KLHL13: variants seen among roughly 807,000 people sequenced by gnomAD.
KLHL13 encodes kelch-like protein 13.
In KLHL13, 10 loss-of-function variants were observed where a neutral mutation model predicts 37.1. That is an observed-to-expected ratio of 0.27 (90% CI 0.17 to 0.46). The LOEUF is 0.46. Among genes scored for constraint, KLHL13 ranks in the 20% least tolerant of loss-of-function variants. KLHL13 has a pLI of 1.00. For synonymous variants in KLHL13, 163 were observed against 181.2 expected (o/e 0.90, Z 0.81); for missense variants, 360 against 509.3 (o/e 0.71, Z 2.82).
intron 1 of KLHL13, among the ~76,000 whole-genome samples, chrX:118,112,135 C>T (rs1030471268): frequency 1.8e-5 from 2 of 112,211 alleles, no homozygotes; most frequent in African/African-American, 6.5e-5. Context: ...GCTCTACAAC[C>T]TCTCTCAGAA....
At chrX:117,940,638 C>T (rs1932973851) in intron 2 of KLHL13, among the ~76,000 whole-genome samples, 1 of 111,495 alleles carries the variant, frequency 9.0e-6, no homozygotes, top group South Asian at 3.8e-4. Flanking sequence ...GTTTGTAGTT[C>T]TCCTTGAAGA....
intron 1 of KLHL13, among the ~76,000 whole-genome samples, chrX:118,085,316 A>G (rs1049403908): frequency 1.1e-4 from 12 of 111,314 alleles, no homozygotes; most frequent in African/African-American, 3.9e-4. Context: ...TTTATATAAC[A>G]TGTCTAGAAT....
exon 1 of KLHL13, chrX:117,973,018 T>C (rs2053549810): frequency 9.4e-7 from 1 of 1,059,578 alleles, no homozygotes; most frequent in African/African-American, 1.9e-5. Flanking sequence ...CTTAAATTCT[T>C]CTGTCCCCTA....
intron 1 of KLHL13, among the ~76,000 whole-genome samples, chrX:117,956,986 T>C (rs992315564): frequency 2.7e-5 from 3 of 112,405 alleles, no homozygotes; most frequent in African/African-American, 9.7e-5. Flanking sequence ...ATCTCCGATG[T>C]ATCCTGATAT....
chrX:118,106,555 T>C (rs985652280), intron 1 of KLHL13, among the ~76,000 whole-genome samples: 7 of 111,829 alleles, frequency 6.3e-5, no homozygotes, highest in Non-Finnish European at 1.1e-4. Flanking sequence ...ATCAATATAG[T>C]GAGCTAAGCT....
chrX:118,044,723 T>C (rs755262016), intron 1 of KLHL13, among the ~76,000 whole-genome samples: 4 of 112,156 alleles, frequency 3.6e-5, no homozygotes, highest in Non-Finnish European at 7.5e-5. Context: ...TCTCACCATA[T>C]AGAAACATCA....
intron 1 of KLHL13, among the ~76,000 whole-genome samples, chrX:118,099,835 A>AAAGG (rs1178465238): frequency 9.6e-6 from 1 of 104,378 alleles, no homozygotes; most frequent in Non-Finnish European, 2.0e-5. Context: ...AGGAAAGAAG[A>AAAGG]AAGGAAGGAA....
chrX:117,945,503 A>G (rs1409479636), exon 2 of KLHL13: 33 of 1,206,316 alleles, frequency 2.7e-5, no homozygotes, highest in Non-Finnish European at 3.7e-5. Flanking sequence ...AAGACTGCAA[A>G]TGGGATGAGA....
intron 1 of KLHL13, among the ~76,000 whole-genome samples, chrX:118,033,787 C>A (rs1403334439): frequency 9.1e-6 from 1 of 110,361 alleles, no homozygotes; most frequent in African/African-American, 3.3e-5. Context: ...TTAAAAGACA[C>A]AGACTGGCAA....
At chrX:118,076,906 T>C (rs2054934911) in intron 1 of KLHL13, among the ~76,000 whole-genome samples, 4 of 106,529 alleles carry the variant, frequency 3.8e-5, no homozygotes, top group Admixed American at 1.0e-4. Flanking sequence ...CTCTTCTTCT[T>C]CTCTCTCTCT....
chrX:118,002,994 G>A (rs1192442341), intron 1 of KLHL13, among the ~76,000 whole-genome samples: 1 of 112,150 alleles, frequency 8.9e-6, no homozygotes, highest in African/African-American at 3.2e-5. Flanking sequence ...ACAAAAGAAT[G>A]TGGCACACTT....
At chrX:118,001,102 G>C (rs2053916178) in intron 1 of KLHL13, among the ~76,000 whole-genome samples, 1 of 111,925 alleles carries the variant, frequency 8.9e-6, no homozygotes. Context: ...CTTTCTGGTA[G>C]ATAATCACTA....
At chrX:117,959,735 T>C (rs2053259844) in intron 1 of KLHL13, among the ~76,000 whole-genome samples, 1 of 111,824 alleles carries the variant, frequency 8.9e-6, no homozygotes, top group Admixed American at 9.5e-5. Context: ...AAGATAATTA[T>C]GCACATTATA....
At chrX:118,094,326 G>A (rs1483346660) in intron 1 of KLHL13, among the ~76,000 whole-genome samples, 3 of 111,147 alleles carry the variant, frequency 2.7e-5, no homozygotes, top group Non-Finnish European at 5.7e-5. Flanking sequence ...GAAGCAAGAA[G>A]AGAAGTTTAG....
intron 2 of KLHL13, among the ~76,000 whole-genome samples, chrX:117,930,282 A>AGGCAGGCAGGC (rs1195134095): frequency 1.6e-4 from 14 of 90,245 alleles, no homozygotes; most frequent in African/African-American, 6.0e-4. Flanking sequence ...GGAAGGAAGG[A>AGGCAGGCAGGC]AGGAAGGAAG....
At chrX:118,083,866 CAAAAT>C (rs1460921210) in intron 1 of KLHL13, among the ~76,000 whole-genome samples, 2 of 110,999 alleles carry the variant, frequency 1.8e-5, no homozygotes, top group Non-Finnish European at 3.8e-5. Flanking sequence ...CAATTTAAAA[CAAAAT>C]AAAACTGTTT....
At chrX:118,092,934 T>A (rs1223307927) in intron 1 of KLHL13, among the ~76,000 whole-genome samples, 2 of 111,949 alleles carry the variant, frequency 1.8e-5, no homozygotes, top group Non-Finnish European at 3.8e-5. Context: ...ACAAACTTTT[T>A]TTTCTTTTTA....
chrX:118,065,907 TCTATTACTC>T (rs1434010758), intron 1 of KLHL13, among the ~76,000 whole-genome samples: 4 of 112,303 alleles, frequency 3.6e-5, no homozygotes, highest in Admixed American at 1.9e-4. Flanking sequence ...ATAAGTTCCT[TCTATTACTC>T]CATTTACTGT....
intron 1 of KLHL13, among the ~76,000 whole-genome samples, chrX:118,018,473 A>G (rs1297567959): frequency 8.9e-6 from 1 of 111,919 alleles, no homozygotes; most frequent in Non-Finnish European, 1.9e-5. Flanking sequence ...CAATTACTAC[A>G]TAGCAGACAA....
Sources: gnomAD v4.1 joint callset for allele counts (sites outside exome capture counted in the v4.1 genomes callset) on GRCh38, gnomAD v4.1.1 for gene constraint, MANE v1.5 for transcripts, NCBI Gene and HGNC (gene_info 2026-07-23, HGNC 2026-07-21) for gene names.